NBAS: variants seen among roughly 807,000 people sequenced by gnomAD.
NBAS encodes NAG/BC035112 fusion.
In NBAS, 219 loss-of-function variants were observed where a neutral mutation model predicts 302.5. The observed-to-expected ratio is 0.72, with a 90% CI of 0.65 to 0.81. The LOEUF is 0.81. Ranked by LOEUF, NBAS falls within the 30% of genes least tolerant of loss-of-function variation. The pLI, the probability that NBAS is intolerant of heterozygous loss-of-function variation, is 0.00. For synonymous variants in NBAS, 1,118 were observed against 1,021.6 expected (o/e 1.09, Z -1.80); for missense variants, 2,932 against 2,841.6 (o/e 1.03, Z -0.72).
the NBAS span, among the ~76,000 whole-genome samples, chr2:15,038,527 T>C: frequency 6.6e-6 from 1 of 152,218 alleles, no homozygotes; most frequent in South Asian, 2.1e-4. Flanking sequence ...GCTCTGGCTG[T>C]GTACTTTTCA....
chr2:14,875,433 G>A, the NBAS span, among the ~76,000 whole-genome samples: 1,620 of 152,220 alleles, frequency 0.011, 24 homozygotes, highest in South Asian at 0.041. Context: ...TGGCCAACAT[G>A]GTGAAACCCC....
intron 44 of NBAS, among the ~76,000 whole-genome samples, chr2:15,274,867 C>G (rs146846960): frequency 0.022 from 3,359 of 151,996 alleles, 84 homozygotes; most frequent in African/African-American, 0.056. Context: ...TAGGTTCAAG[C>G]AATTCTCCTG....
chr2:14,981,317 C>A, the NBAS span, among the ~76,000 whole-genome samples: 1 of 152,142 alleles, frequency 6.6e-6, no homozygotes, highest in African/African-American at 2.4e-5. Flanking sequence ...GTGAAGCAAG[C>A]CTTCAAAAGT....
the NBAS span, among the ~76,000 whole-genome samples, chr2:14,793,818 C>T: frequency 6.6e-6 from 1 of 151,834 alleles, no homozygotes; most frequent in South Asian, 2.1e-4. Flanking sequence ...AGATAAATAC[C>T]ATATACAAAC....
the NBAS span, among the ~76,000 whole-genome samples, chr2:14,854,553 A>C: frequency 6.6e-6 from 1 of 151,780 alleles, no homozygotes; most frequent in South Asian, 2.1e-4. Context: ...AAAAAAAAAA[A>C]GTCCAGAAAT....
At chr2:15,513,907 G>A (rs1662264553) in intron 9 of NBAS, among the ~76,000 whole-genome samples, 1 of 151,970 alleles carries the variant, frequency 6.6e-6, no homozygotes, top group Non-Finnish European at 1.5e-5. Context: ...AATCGCTTGA[G>A]GACAGGAGTT....
chr2:15,217,554 C>T (rs1165905282), intron 48 of NBAS, among the ~76,000 whole-genome samples: 1 of 152,116 alleles, frequency 6.6e-6, no homozygotes, highest in African/African-American at 2.4e-5. Context: ...GCAGTTAGAC[C>T]TCTAGGAAAC....
chr2:15,527,203 T>G (rs758356818), intron 9 of NBAS, among the ~76,000 whole-genome samples: 183 of 152,138 alleles, frequency 1.2e-3, no homozygotes, highest in Non-Finnish European at 1.8e-3. Context: ...TCTTTTCTAC[T>G]CAAAAAATAA....
chr2:15,034,122 G>A, the NBAS span, among the ~76,000 whole-genome samples: 1 of 148,648 alleles, frequency 6.7e-6, no homozygotes, highest in Non-Finnish European at 1.5e-5. Context: ...AGGAGAAGGA[G>A]AAGGAAAGGA....
At chr2:15,395,510 A>G (rs529446760) in intron 27 of NBAS, among the ~76,000 whole-genome samples, 1 of 152,246 alleles carries the variant, frequency 6.6e-6, no homozygotes, top group Admixed American at 6.5e-5. Context: ...CTAGGTAATA[A>G]TAAACACAGG....
At chr2:15,144,846 C>T in the NBAS span, among the ~76,000 whole-genome samples, 950 of 152,254 alleles carry the variant, frequency 6.2e-3, 12 homozygotes, top group African/African-American at 0.019. Context: ...AGGAATGGGG[C>T]AGGGCAACTT....
chr2:14,964,017 T>TA, the NBAS span, among the ~76,000 whole-genome samples: 4 of 152,072 alleles, frequency 2.6e-5, no homozygotes, highest in East Asian at 1.9e-4. Flanking sequence ...AAGCAAGACC[T>TA]AAAAAAAATC....
At chr2:14,837,155 C>T in the NBAS span, among the ~76,000 whole-genome samples, 1 of 151,606 alleles carries the variant, frequency 6.6e-6, no homozygotes, top group Non-Finnish European at 1.5e-5. Context: ...TTATTTGTTC[C>T]TCTCACCTTC....
At chr2:15,484,768 A>C (rs924100074) in intron 12 of NBAS, among the ~76,000 whole-genome samples, 2 of 152,164 alleles carry the variant, frequency 1.3e-5, no homozygotes, top group Non-Finnish European at 2.9e-5. Context: ...ATATCTTAAG[A>C]GCAGGGACTA....
intron 48 of NBAS, among the ~76,000 whole-genome samples, chr2:15,199,978 C>A (rs371024120): frequency 1.3e-3 from 192 of 149,046 alleles, no homozygotes; most frequent in African/African-American, 4.5e-3. Context: ...TCAGGGCTCA[C>A]TGTAGCCTGA....
chr2:15,110,187 A>G, the NBAS span, among the ~76,000 whole-genome samples: 1 of 152,132 alleles, frequency 6.6e-6, no homozygotes, highest in Admixed American at 6.6e-5. Context: ...AGCTCAGGAC[A>G]TGCAGGCACC....
the NBAS span, among the ~76,000 whole-genome samples, chr2:14,963,131 G>A: frequency 6.6e-6 from 1 of 152,016 alleles, no homozygotes; most frequent in Non-Finnish European, 1.5e-5. Context: ...AGCCTGGTGT[G>A]GTGGTGTGTG....
chr2:14,933,015 G>A, the NBAS span, among the ~76,000 whole-genome samples: 2 of 152,218 alleles, frequency 1.3e-5, no homozygotes, highest in Non-Finnish European at 2.9e-5. Flanking sequence ...TTCTAAGAAT[G>A]AGCTTTATTC....
the NBAS span, among the ~76,000 whole-genome samples, chr2:14,971,898 C>G: frequency 3.9e-5 from 6 of 152,304 alleles, no homozygotes; most frequent in Admixed American, 6.5e-5. Flanking sequence ...GTCACTGCAA[C>G]AAGCTGTATC....
Sources: allele counts gnomAD v4.1 joint callset (sites outside exome capture counted in the v4.1 genomes callset), GRCh38; gene constraint gnomAD v4.1.1; transcripts MANE v1.5; gene names NCBI Gene and HGNC (gene_info 2026-07-23, HGNC 2026-07-21).